The following PLCH1 variants were observed in gnomAD, a reference collection of about 807,000 sequenced individuals.
PLCH1 encodes phospholipase C eta 1.
A neutral mutation model predicts 126.7 loss-of-function variants in PLCH1; 60 were observed. The observed-to-expected ratio is 0.47, with a 90% CI of 0.38 to 0.59. PLCH1 has a LOEUF of 0.59. Among genes scored for constraint, PLCH1 ranks in the 20% least tolerant of loss-of-function variants. PLCH1 has a pLI of 0.00. For synonymous variants in PLCH1, 719 were observed against 734.9 expected, an observed-to-expected ratio of 0.98 and a Z score of 0.35; for missense variants, 1,723 against 2,040.0, an observed-to-expected ratio of 0.84 and a Z score of 2.99.
At chr3:155,518,804 C>T (rs1352647851) in intron 11 of PLCH1, among the ~76,000 whole-genome samples, 3 of 152,164 alleles carry the variant, frequency 2.0e-5, no homozygotes, top group South Asian at 4.1e-4. Flanking sequence ...AATGAGCATC[C>T]ATTTCCTTCT....
chr3:155,472,411 G>T (rs1713310269), intron 21 of PLCH1, among the ~76,000 whole-genome samples: 2 of 152,120 alleles, frequency 1.3e-5, no homozygotes, highest in Admixed American at 1.3e-4. Context: ...ATCAATAACA[G>T]GAGCTCAAAT....
intron 8 of PLCH1, among the ~76,000 whole-genome samples, chr3:155,559,290 A>G (rs528454328): frequency 2.0e-5 from 3 of 152,222 alleles, no homozygotes; most frequent in East Asian, 3.9e-4. Context: ...GTGGTGTTAT[A>G]AGAATTAAAT....
At chr3:155,618,476 A>G (rs1231160429) in intron 2 of PLCH1, among the ~76,000 whole-genome samples, 2 of 152,188 alleles carry the variant, frequency 1.3e-5, no homozygotes, top group African/African-American at 4.8e-5. Context: ...ACGTCTGGAT[A>G]GACTGTTAAA....
At chr3:155,497,517 G>C in intron 14 of PLCH1, 100 bp from the exon 15 acceptor site, 1 of 819,286 alleles carries the variant, frequency 1.2e-6, no homozygotes, top group South Asian at 1.5e-5. Flanking sequence ...GATTTAATAG[G>C]GAATACCTGC....
intron 6 of PLCH1, among the ~76,000 whole-genome samples, chr3:155,568,546 A>G (rs1158262859): frequency 6.6e-6 from 1 of 152,210 alleles, no homozygotes; most frequent in Non-Finnish European, 1.5e-5. Context: ...ATAGCCCTTC[A>G]ACTATTAGAC....
intron 11 of PLCH1, among the ~76,000 whole-genome samples, chr3:155,523,036 G>A (rs1343683221): frequency 8.5e-5 from 13 of 152,116 alleles, no homozygotes; most frequent in African/African-American, 2.4e-4. Flanking sequence ...GTTCAGTGGC[G>A]CGATCTCGGC....
intron 1 of PLCH1, among the ~76,000 whole-genome samples, chr3:155,737,881 T>C (rs564675329): frequency 1.3e-5 from 2 of 152,170 alleles, no homozygotes; most frequent in South Asian, 2.1e-4. Flanking sequence ...TTCAACTTAA[T>C]TGAAGAGGGA....
At chr3:155,451,518 A>G (rs529566993) in intron 21 of PLCH1, among the ~76,000 whole-genome samples, 7 of 152,272 alleles carry the variant, frequency 4.6e-5, no homozygotes, top group African/African-American at 1.4e-4. Flanking sequence ...TTAGCTAAAC[A>G]TTACTTATGG....
chr3:155,545,847 C>G lies in PLCH1; in HGVS notation c.1362+3940G>C, dbSNP rs550884118. ...TTGACAAAATTCAACAAGCTTCATG[C>G]TAAAAACTCTCAATAAAGTAGGTAT... On this transcript the variant is annotated intron_variant, in intron 10 of 22. Coordinates refer to ENST00000460012, the MANE Select transcript of PLCH1 (RefSeq NM_014996.4). Among the ~76,000 whole-genome samples, 11 of 152,226 alleles carry G rather than the reference C, an allele frequency of 7.2e-5. No homozygotes were observed. In the South Asian group the frequency reaches 1.4e-3, roughly 20 times the overall value.
chr3:155,474,371 A>G (rs201523184), intron 21 of PLCH1, among the ~76,000 whole-genome samples: 6 of 150,128 alleles, frequency 4.0e-5, no homozygotes, highest in Admixed American at 2.8e-4. Context: ...TCAAAACCAC[A>G]ATGAGATACT....
intron 18 of PLCH1, 67 bp downstream of exon 18, chr3:155,492,662 T>A: frequency 7.2e-7 from 1 of 1,390,566 alleles, no homozygotes; most frequent in South Asian, 1.6e-5. Flanking sequence ...ACATTTCGGA[T>A]AAAATGTAAA....
chr3:155,671,630 T>C (rs1577292889), intron 2 of PLCH1, among the ~76,000 whole-genome samples: 1 of 152,322 alleles, frequency 6.6e-6, no homozygotes, highest in East Asian at 1.9e-4. Flanking sequence ...GGGAGAGTGA[T>C]GGTCACTAGG....
intron 2 of PLCH1, among the ~76,000 whole-genome samples, chr3:155,612,823 G>A (rs564505660): frequency 4.7e-5 from 7 of 148,536 alleles, no homozygotes; most frequent in East Asian, 2.0e-4. Context: ...CAGGAGAATC[G>A]CTTGAACCTG....
chr3:155,683,813 A>G (rs1744717615), intron 2 of PLCH1, among the ~76,000 whole-genome samples: 2 of 152,218 alleles, frequency 1.3e-5, no homozygotes, highest in Non-Finnish European at 2.9e-5. Flanking sequence ...TTACTTAGTC[A>G]TATATTCAAA....
At chr3:155,652,135 C>T (rs1447493720) in intron 2 of PLCH1, among the ~76,000 whole-genome samples, 1 of 152,248 alleles carries the variant, frequency 6.6e-6, no homozygotes, top group East Asian at 1.9e-4. Context: ...TTACACCTAA[C>T]ACTACCTCTC....
intron 2 of PLCH1, among the ~76,000 whole-genome samples, chr3:155,669,153 GA>G (rs375786717): frequency 0.011 from 1,228 of 109,378 alleles, 7 homozygotes; most frequent in South Asian, 0.028. Flanking sequence ...TACTTCTTCA[GA>G]AAAAAAAAAA....
intron 1 of PLCH1, chr3:155,743,138 T>C: frequency 2.8e-6 from 1 of 359,558 alleles, no homozygotes; most frequent in African/African-American, 2.2e-5. Flanking sequence ...ACATACCCCT[T>C]AAGATGTGTA....
At chr3:155,608,497 G>A (rs989680134) in intron 2 of PLCH1, among the ~76,000 whole-genome samples, 4 of 152,118 alleles carry the variant, frequency 2.6e-5, no homozygotes, top group Non-Finnish European at 4.4e-5. Context: ...GAAGCTGCAT[G>A]GGAGCTGAGT....
chr3:155,576,713 T>G (rs1730008693), intron 6 of PLCH1, among the ~76,000 whole-genome samples: 1 of 152,176 alleles, frequency 6.6e-6, no homozygotes, highest in Non-Finnish European at 1.5e-5. Flanking sequence ...ATTTGTGCCA[T>G]TGTGAAAATC....
Sources: gnomAD v4.1 joint callset for allele counts (sites outside exome capture counted in the v4.1 genomes callset) on GRCh38, gnomAD v4.1.1 for gene constraint, MANE v1.5 for transcripts, NCBI Gene and HGNC (gene_info 2026-07-23, HGNC 2026-07-21) for gene names.